The following TMEM200C variants were observed in gnomAD, a reference collection of about 807,000 sequenced individuals.
TMEM200C encodes transmembrane protein 200C.
For synonymous variants in TMEM200C, 462 were observed against 324.7 expected (o/e 1.42, Z -4.55); for missense variants, 966 against 699.9 (o/e 1.38, Z -4.29).
chr18:5,890,100 G>T, exon 3 of TMEM200C: 4 of 1,125,848 alleles, frequency 3.6e-6, no homozygotes, highest in South Asian at 2.5e-5. Context: ...TGATGTCCTC[G>T]GATCAGTCCA....
At chr18:5,893,546 T>G (rs756117942) in intron 2 of TMEM200C, among the ~76,000 whole-genome samples, 1 of 152,238 alleles carries the variant, frequency 6.6e-6, no homozygotes, top group Non-Finnish European at 1.5e-5. Context: ...AAGGACATTG[T>G]ATGAACTGAA....
chr18:5,888,941 A>G (rs2095167478), exon 3 of TMEM200C: 2 of 152,374 alleles, frequency 1.3e-5, no homozygotes, highest in South Asian at 4.1e-4. Context: ...CTCTGTCTAC[A>G]GGACTAGCGC....
chr18:5,891,021 C>T lies in TMEM200C; in HGVS notation c.1043G>A (p.Ser348Asn), dbSNP rs1026391925. ...GCAGGGCGCCGGACTGCTGCAGCTG[C>T]TAGCGGCTGCGGCGGCGGTGGCAGC... Residue 348 changes from serine to asparagine, a missense_variant, in exon 3 of 3, where the codon AGC (serine) becomes AAC (asparagine). Ser to Asn is a conservative substitution (Grantham distance 46). Transcript: ENST00000581347. The surrounding 1 kb of genome is among the most constrained non-coding windows in gnomAD (Gnocchi z 4.7). 1.7e-6 allele frequency: 1 copy of T among 579,162 alleles called. No homozygotes were observed. Among genetic ancestry groups the T allele is most frequent in the African/African-American group, 2.0e-5 (1 of 50,226 alleles). 35.9% of individuals were successfully genotyped at this position (579,162 alleles called of 1,614,324 possible). A position where few individuals can be genotyped will look rare whatever the true frequency, so the allele number is the denominator to read the frequency against.
Position 5,891,754 on chromosome 18 carries a change from T to C in TMEM200C, c.310A>G (p.Ser104Gly). 1 of 1,610,796 alleles carries C rather than the reference T, an allele frequency of 6.2e-7. No homozygotes were observed. Among genetic ancestry groups the C allele is most frequent in the Non-Finnish European group, 8.5e-7 (1 of 1,179,390 alleles). Reference sequence around the variant, plus strand: ...CGGTTTTTGCTGCCACTGCTACTGCTGTTGGCCGTGGTTGGGACCCGGTGG... The same window carrying C: ...CGGTTTTTGCTGCCACTGCTACTGCCGTTGGCCGTGGTTGGGACCCGGTGG... Residue 104 changes from serine to glycine, a missense_variant, in exon 3 of 3, where the codon AGC becomes GGC. By Grantham distance (56) the Ser-to-Gly change is moderately conservative. Transcript: ENST00000581347. This position sits in a 1 kb window ranked among gnomAD's most constrained non-coding sequence, Gnocchi z 4.7.
Position 5,891,487 on chromosome 18 carries a change from T to C in TMEM200C, c.577A>G (p.Lys193Glu). Residue 193 changes from lysine (K) to glutamate (E), a missense_variant, in exon 3 of 3, where the codon AAG becomes GAG. By Grantham distance (56) the Lys-to-Glu change is moderately conservative. Coordinates refer to ENST00000581347, the Ensembl canonical transcript of TMEM200C. This position sits in a 1 kb window ranked among gnomAD's most constrained non-coding sequence, Gnocchi z 4.7. ...CGCAGGTTGATGATTTTGGTCTTCT[T>C]GTCCCGGTTCTCGTGGAGGACCGCG... 1.3e-6 allele frequency: 2 copies of C among 1,599,616 alleles called. No individual in the cohort carries two copies. The highest frequency in any genetic ancestry group is 8.5e-7 in the Non-Finnish European group (1 of 1,173,360).
exon 3 of TMEM200C, chr18:5,888,396 A>G (rs2095167041): frequency 6.6e-6 from 1 of 152,218 alleles, no homozygotes. Flanking sequence ...TGTATTACAG[A>G]ATGTTGAGCT....
chr18:5,882,740 A>T (rs1276593860), exon 3 of TMEM200C: 1 of 152,092 alleles, frequency 6.6e-6, no homozygotes, highest in Non-Finnish European at 1.5e-5. Context: ...AATGCATTCA[A>T]TTTTTTAAAG....
exon 2 of TMEM200C, chr18:5,895,449 G>T (rs1449034386): frequency 2.0e-5 from 3 of 150,206 alleles, no homozygotes; most frequent in Non-Finnish European, 4.5e-5. Flanking sequence ...GCCCGCGGCG[G>T]CGGCTCGGGG....
At chr18:5,882,338 A>C (rs922554360) in exon 3 of TMEM200C, 1 of 152,100 alleles carries the variant, frequency 6.6e-6, no homozygotes, top group Non-Finnish European at 1.5e-5. Context: ...CAAGTGTTGC[A>C]TTTAATTGCC....
At chr18:5,894,236 C>T (rs928011810) in intron 2 of TMEM200C, among the ~76,000 whole-genome samples, 1 of 152,044 alleles carries the variant, frequency 6.6e-6, no homozygotes, top group Non-Finnish European at 1.5e-5. Context: ...GCTTTGGCTC[C>T]GGTAGAATGT....
In TMEM200C at chr18:5,891,845, G is replaced by C. The variant is rs1317451344; in HGVS notation, c.219C>G (p.Gly73=). The change falls in exon 3 of 3, where the codon GGC becomes GGG. Residue 73 remains glycine (G), a synonymous_variant. Transcript: ENST00000581347. The surrounding 1 kb of genome is among the most constrained non-coding windows in gnomAD (Gnocchi z 4.7). Reference sequence around the variant, plus strand: ...TGGTCCCGGTGGCCTTGGGCCAGTAGCCCACCACCGCCATGGCTATGCCCA... The same window carrying C: ...TGGTCCCGGTGGCCTTGGGCCAGTACCCCACCACCGCCATGGCTATGCCCA... 6.2e-7 allele frequency: 1 copy of C among 1,607,788 alleles called. No homozygotes were observed.
Position 5,891,761 on chromosome 18 carries a change from C to T in TMEM200C, c.303G>A (p.Thr101=), listed in dbSNP as rs1473967829. Residue 101 remains threonine (T), a synonymous_variant, in exon 3 of 3, where the codon ACG becomes ACA. Coordinates refer to ENST00000581347, the Ensembl canonical transcript of TMEM200C. This position sits in a 1 kb window ranked among gnomAD's most constrained non-coding sequence, Gnocchi z 4.7. The stretch of plus-strand genomic sequence containing the variant: ...TGCTGCCACTGCTACTGCTGTTGGC[C>T]GTGGTTGGGACCCGGTGGCTGCTGC... 1.9e-6 allele frequency: 3 copies of T among 1,610,064 alleles called. No individual in the cohort carries two copies. Among genetic ancestry groups the T allele is most frequent in the Non-Finnish European group, 8.5e-7 (1 of 1,179,212 alleles).
At chr18:5,890,161 C>A (rs1175007010) in exon 3 of TMEM200C, 1 of 1,489,028 alleles carries the variant, frequency 6.7e-7, no homozygotes, top group South Asian at 1.5e-5. Flanking sequence ...GCGTTTCTCC[C>A]ATTTTCTCTT....
chr18:5,882,290 C>G (rs1328845892), exon 3 of TMEM200C: 1 of 151,990 alleles, frequency 6.6e-6, no homozygotes, highest in Non-Finnish European at 1.5e-5. Flanking sequence ...ATGATTCATA[C>G]TTACAGGCTA....
intron 2 of TMEM200C, among the ~76,000 whole-genome samples, chr18:5,894,554 G>C (rs932280013): frequency 6.6e-6 from 1 of 152,212 alleles, no homozygotes; most frequent in African/African-American, 2.4e-5. Context: ...GGGAAGCAAA[G>C]GAGGGATGTC....
chr18:5,892,909 TCTCTC>T (rs967991408), intron 2 of TMEM200C, among the ~76,000 whole-genome samples: 4 of 152,172 alleles, frequency 2.6e-5, no homozygotes, highest in African/African-American at 9.7e-5. Context: ...ACAGCCTTCT[TCTCTC>T]CTCTCAGCAA....
chr18:5,891,122 C>T lies in TMEM200C; in HGVS notation c.942G>A (p.Glu314=). ...ACACGGCCTCGGCCAGGCTCGGGGG[C>T]TCCCGCGGACAGCGCGGGGAAGAGG... is the stretch of plus-strand genomic sequence containing the variant. Residue 314 remains glutamate, a synonymous_variant, in exon 3 of 3, where the codon GAG becomes GAA. Transcript: ENST00000581347. The surrounding 1 kb of genome is among the most constrained non-coding windows in gnomAD (Gnocchi z 4.7). 1 of 493,430 alleles carries T rather than the reference C, an allele frequency of 2.0e-6. No individual in the cohort carries two copies. The highest frequency in any genetic ancestry group is 3.4e-6 in the Non-Finnish European group (1 of 295,456). The allele number at this position is 493,430 out of a possible 1,614,324, so 30.6% of individuals were successfully genotyped here.
chr18:5,890,644 C>T, exon 3 of TMEM200C: 2 of 768,744 alleles, frequency 2.6e-6, no homozygotes, highest in Non-Finnish European at 3.6e-6. Context: ...TCCGGGAGCC[C>T]GCTGGTGCTG....
In TMEM200C at chr18:5,891,292, C is replaced by T; in HGVS notation, c.772G>A (p.Gly258Ser). ...CAGCCCCCGGGCTTCAGCTCCAGGC[C>T]CCGCGACTGCACGTAGCTGAGGAAG... The change falls in exon 3 of 3, where the codon GGC becomes AGC. Residue 258 changes from glycine (G) to serine (S), a missense_variant. Gly to Ser is a moderately conservative substitution (Grantham distance 56). Transcript: ENST00000581347. The surrounding 1 kb of genome is among the most constrained non-coding windows in gnomAD (Gnocchi z 4.7). 1 of 1,415,388 alleles carries T rather than the reference C, an allele frequency of 7.1e-7. No homozygotes were observed. The highest frequency in any genetic ancestry group is 2.6e-5 in the Admixed American group (1 of 37,964). The allele number at this position is 1,415,388 out of a possible 1,614,324, so 87.7% of individuals were successfully genotyped here.
Sources: allele counts gnomAD v4.1 joint callset (sites outside exome capture counted in the v4.1 genomes callset), GRCh38; gene constraint gnomAD v4.1.1; non-coding constraint Gnocchi (gnomAD v3.1); transcripts MANE v1.5; gene names NCBI Gene and HGNC (gene_info 2026-07-23, HGNC 2026-07-21).